STARD13: variants seen among roughly 807,000 people sequenced by gnomAD.
STARD13 encodes the protein StAR related lipid transfer domain containing 13, also known as stAR-related lipid transfer protein 13.
In STARD13, 62 loss-of-function variants were observed where a neutral mutation model predicts 106.4. That is an observed-to-expected ratio of 0.58 (90% CI 0.48 to 0.72). The LOEUF is 0.72. STARD13 is among the 30% of genes least tolerant of loss of function. The pLI, the probability that STARD13 is intolerant of heterozygous loss-of-function variation, is 0.00. For synonymous variants in STARD13, 565 were observed against 553.0 expected (o/e 1.02, Z -0.31); for missense variants, 1,387 against 1,424.0 (o/e 0.97, Z 0.42).
At chr13:33,388,784 A>G in the STARD13 span, among the ~76,000 whole-genome samples, 1 of 152,120 alleles carries the variant, frequency 6.6e-6, no homozygotes. Context: ...GATCTGTCCC[A>G]GACTCTAAGA....
the STARD13 span, among the ~76,000 whole-genome samples, chr13:33,665,948 A>T: frequency 6.6e-6 from 1 of 152,224 alleles, no homozygotes; most frequent in Non-Finnish European, 1.5e-5. Context: ...TGCACGTGTC[A>T]GTAGAATCCA....
chr13:33,582,865 A>G, the STARD13 span, among the ~76,000 whole-genome samples: 1 of 152,226 alleles, frequency 6.6e-6, no homozygotes, highest in Non-Finnish European at 1.5e-5. Context: ...TCTCATTGAC[A>G]TAAAACAGAG....
chr13:33,419,562 AC>A, the STARD13 span, among the ~76,000 whole-genome samples: 2 of 152,364 alleles, frequency 1.3e-5, no homozygotes, highest in East Asian at 3.9e-4. Flanking sequence ...AACTTCCCCA[AC>A]CTAGCAAGGC....
At chr13:33,267,142 G>A (rs1424621958) in intron 1 of STARD13, among the ~76,000 whole-genome samples, 5 of 152,182 alleles carry the variant, frequency 3.3e-5, no homozygotes, top group Admixed American at 6.5e-5. Flanking sequence ...TAGAGGGTGG[G>A]CCCTGGTTTT....
At chr13:33,510,167 G>A in the STARD13 span, among the ~76,000 whole-genome samples, 4 of 152,132 alleles carry the variant, frequency 2.6e-5, no homozygotes, top group South Asian at 8.3e-4. Flanking sequence ...TTTAGCCAGA[G>A]GTTGCCAAGC....
rs1430043081 is a variant in STARD13, at chr13:33,130,945, T to G, written c.388-656A>C. The stretch of plus-strand genomic sequence containing the variant: ...GCTACTCTGCATGAGCGTCTTTTTC[T>G]GTGGAATCAACTCCGAGTCAGAATG... On this transcript the variant is annotated intron_variant, in intron 4 of 13. Transcript: ENST00000336934. The surrounding 1 kb of genome is among the most constrained non-coding windows in gnomAD (Gnocchi z 4.1). 6.6e-6 allele frequency among the ~76,000 whole-genome samples: 1 copy of G among 152,246 alleles called. No homozygotes were observed. Among genetic ancestry groups the G allele is most frequent in the African/African-American group, 2.4e-5 (1 of 41,464 alleles).
the STARD13 span, among the ~76,000 whole-genome samples, chr13:33,595,124 A>G: frequency 6.6e-6 from 1 of 152,248 alleles, no homozygotes; most frequent in Admixed American, 6.5e-5. Context: ...GAACAAAAAC[A>G]TTTTACCATT....
the STARD13 span, among the ~76,000 whole-genome samples, chr13:33,381,688 T>G: frequency 6.6e-6 from 1 of 152,056 alleles, no homozygotes; most frequent in Non-Finnish European, 1.5e-5. Context: ...TGCAGTGAGC[T>G]GAGATTGTGC....
upstream of STARD13, among the ~76,000 whole-genome samples, chr13:33,351,365 C>T (rs1287860581): frequency 1.3e-5 from 2 of 152,104 alleles, no homozygotes; most frequent in African/African-American, 4.8e-5. Context: ...TAGCCAAAAA[C>T]GTAAAGTAGG....
At chr13:33,259,431 C>T (rs1890526691) in intron 1 of STARD13, among the ~76,000 whole-genome samples, 1 of 152,134 alleles carries the variant, frequency 6.6e-6, no homozygotes, top group Non-Finnish European at 1.5e-5. Flanking sequence ...CTCAGCAATG[C>T]CTCCACTCTT....
At chr13:33,484,832 C>CGGG in the STARD13 span, among the ~76,000 whole-genome samples, 2 of 152,076 alleles carry the variant, frequency 1.3e-5, no homozygotes, top group Non-Finnish European at 2.9e-5. Flanking sequence ...GAAGATAAAC[C>CGGG]AAGAAATAGA....
At chr13:33,134,524 C>T (rs974052280) in intron 4 of STARD13, among the ~76,000 whole-genome samples, 1 of 152,082 alleles carries the variant, frequency 6.6e-6, no homozygotes, top group African/African-American at 2.4e-5. Context: ...TTGAATGGGC[C>T]GGAACTCCTG....
chr13:33,500,961 G>A, the STARD13 span, among the ~76,000 whole-genome samples: 4 of 149,826 alleles, frequency 2.7e-5, no homozygotes, highest in Non-Finnish European at 5.9e-5. Flanking sequence ...TAAAATGCTT[G>A]CTTTTTAAGG....
chr13:33,209,327 G>T (rs1039960456), intron 1 of STARD13, among the ~76,000 whole-genome samples: 6 of 152,244 alleles, frequency 3.9e-5, no homozygotes, highest in African/African-American at 1.2e-4. Flanking sequence ...GAACCTGTGT[G>T]CCTGAGCCAA....
chr13:33,444,474 G>GT, the STARD13 span, among the ~76,000 whole-genome samples: 4 of 152,206 alleles, frequency 2.6e-5, no homozygotes, highest in African/African-American at 9.6e-5. Flanking sequence ...ACATTTAAGG[G>GT]TAATTTGCAG....
intron 8 of STARD13, among the ~76,000 whole-genome samples, chr13:33,115,207 A>G (rs1007967369): frequency 6.6e-6 from 1 of 152,228 alleles, no homozygotes; most frequent in Admixed American, 6.5e-5. Flanking sequence ...TCATTTGACA[A>G]AAATCCAAGA....
At chr13:33,533,015 T>C in the STARD13 span, among the ~76,000 whole-genome samples, 1 of 152,168 alleles carries the variant, frequency 6.6e-6, no homozygotes, top group Admixed American at 6.5e-5. Context: ...CAGTCACCCA[T>C]GGCTAAATGT....
At chr13:33,146,621 C>T (rs540786554) in intron 3 of STARD13, among the ~76,000 whole-genome samples, 4 of 152,240 alleles carry the variant, frequency 2.6e-5, no homozygotes, top group Non-Finnish European at 5.9e-5. Flanking sequence ...AAAAATAATG[C>T]AAGTGAGTGA....
chr13:33,519,210 T>TCTCTCTC, the STARD13 span, among the ~76,000 whole-genome samples: 17 of 65,814 alleles, frequency 2.6e-4, no homozygotes, highest in African/African-American at 1.0e-3. Context: ...TGGTAATTTT[T>TCTCTCTC]TCTTTCTTTC....
Sources: allele counts gnomAD v4.1 joint callset (sites outside exome capture counted in the v4.1 genomes callset), GRCh38; gene constraint gnomAD v4.1.1; non-coding constraint Gnocchi (gnomAD v3.1); transcripts MANE v1.5; gene names NCBI Gene and HGNC (gene_info 2026-07-23, HGNC 2026-07-21).